The following SH3BGRL2 variants were observed in gnomAD, a reference collection of about 807,000 sequenced individuals.
The protein encoded by SH3BGRL2 is SH3 domain-binding glutamic acid-rich-like protein 2.
SH3BGRL2 carries 21 observed loss-of-function variants against 14.8 expected under a neutral mutation model. The observed-to-expected ratio is 1.42, with a 90% CI of 1.01 to 2.05. The LOEUF (loss-of-function observed/expected upper bound fraction) is 2.05, where lower values mean the gene tolerates loss of function less well. Among genes scored for constraint, SH3BGRL2 ranks in the 30% most tolerant of loss-of-function variants. The pLI, the probability that SH3BGRL2 is intolerant of heterozygous loss-of-function variation, is 0.00. For missense variants in SH3BGRL2, 147 were observed against 130.8 expected (o/e 1.12, Z -0.61); for synonymous variants, 50 against 47.8 (o/e 1.05, Z -0.19).
chr6:79,669,336 G>C (rs1001926628), intron 1 of SH3BGRL2, among the ~76,000 whole-genome samples: 1 of 152,042 alleles, frequency 6.6e-6, no homozygotes, highest in Non-Finnish European at 1.5e-5. Context: ...CCCTGTTGTT[G>C]GTTGGGAGGA....
At chr6:79,685,310 A>G (rs1317279124) in intron 2 of SH3BGRL2, among the ~76,000 whole-genome samples, 3 of 152,186 alleles carry the variant, frequency 2.0e-5, no homozygotes, top group Non-Finnish European at 4.4e-5. Flanking sequence ...CTCTTTCTGA[A>G]TCTTATGCAA....
chr6:79,637,180 A>C (rs977178415), intron 1 of SH3BGRL2, among the ~76,000 whole-genome samples: 1 of 152,234 alleles, frequency 6.6e-6, no homozygotes, highest in East Asian at 1.9e-4. Flanking sequence ...CCAAGTGAAG[A>C]TCTAACCTCA....
At chr6:79,586,619 A>G in the SH3BGRL2 span, among the ~76,000 whole-genome samples, 6 of 152,196 alleles carry the variant, frequency 3.9e-5, no homozygotes, top group African/African-American at 1.4e-4. Context: ...ATGAAGTAAC[A>G]TCATGAGAAG....
At chr6:79,630,329 G>A (rs1374886888), upstream of SH3BGRL2, among the ~76,000 whole-genome samples, 7 of 152,118 alleles carry the variant, frequency 4.6e-5, no homozygotes, top group Non-Finnish European at 1.0e-4. Flanking sequence ...AATTAACATT[G>A]TTCCCAGACC....
chr6:79,659,606 G>T (rs566508517), intron 1 of SH3BGRL2, among the ~76,000 whole-genome samples: 1 of 152,298 alleles, frequency 6.6e-6, no homozygotes, highest in African/African-American at 2.4e-5. Flanking sequence ...GCTTAGGATT[G>T]TCTTGGCTAT....
intron 1 of SH3BGRL2, among the ~76,000 whole-genome samples, chr6:79,639,351 G>A: frequency 6.6e-6 from 1 of 152,172 alleles, no homozygotes; most frequent in East Asian, 1.9e-4. Context: ...CACTTTGGGA[G>A]GCTGAGTCAG....
the SH3BGRL2 span, among the ~76,000 whole-genome samples, chr6:79,596,555 A>G: frequency 3.6e-4 from 55 of 152,194 alleles, 1 homozygote; most frequent in Non-Finnish European, 1.0e-4. Flanking sequence ...TTGGCCTCCC[A>G]AAGAGCTGGG....
At chr6:79,689,692 A>T (rs1582739123) in intron 2 of SH3BGRL2, among the ~76,000 whole-genome samples, 1 of 152,048 alleles carries the variant, frequency 6.6e-6, no homozygotes, top group Non-Finnish European at 1.5e-5. Context: ...TGAAACTTGC[A>T]CTTGAGAATT....
At chr6:79,617,028 A>G in the SH3BGRL2 span, among the ~76,000 whole-genome samples, 1 of 152,060 alleles carries the variant, frequency 6.6e-6, no homozygotes, top group Non-Finnish European at 1.5e-5. Context: ...TCTACTAAAA[A>G]TACAAAATTA....
At chr6:79,618,512 C>G in the SH3BGRL2 span, among the ~76,000 whole-genome samples, 1 of 152,098 alleles carries the variant, frequency 6.6e-6, no homozygotes, top group Admixed American at 6.6e-5. Context: ...TTGAGACCAG[C>G]CTGGCCAACA....
chr6:79,546,481 CCT>C, the SH3BGRL2 span, among the ~76,000 whole-genome samples: 1 of 152,232 alleles, frequency 6.6e-6, no homozygotes, highest in East Asian at 1.9e-4. Flanking sequence ...CTAGGAAACT[CCT>C]CTCTTCACTT....
At chr6:79,546,720 A>T in the SH3BGRL2 span, among the ~76,000 whole-genome samples, 1 of 149,362 alleles carries the variant, frequency 6.7e-6, no homozygotes, top group Non-Finnish European at 1.5e-5. Context: ...TTTTCTCGAG[A>T]TGAAGTCTTC....
chr6:79,627,440 A>G (rs1304295164), upstream of SH3BGRL2, among the ~76,000 whole-genome samples: 2 of 152,188 alleles, frequency 1.3e-5, no homozygotes, highest in Non-Finnish European at 2.9e-5. Flanking sequence ...CTTAAATAAT[A>G]TCCTAAAGGT....
At chr6:79,583,566 G>A in the SH3BGRL2 span, among the ~76,000 whole-genome samples, 1 of 152,180 alleles carries the variant, frequency 6.6e-6, no homozygotes, top group Admixed American at 6.5e-5. Flanking sequence ...TCACTCATAG[G>A]TGGGAATTGA....
rs1269889207 is a variant in SH3BGRL2 at position 79,673,704 on chromosome 6, A to G, written c.136A>G (p.Arg46Gly). 6.2e-7 allele frequency: 1 copy of G among 1,614,212 alleles called. No individual in the cohort carries two copies. The highest frequency in any genetic ancestry group is 1.7e-5 in the Admixed American group (1 of 60,028). ...GGATATCACAATGTCAGAAGAACAG[A>G]GGCAATGGATGTACAAAAACGTCCC... The part of the protein sequence containing the change: ...EVDITMSEEQ[R>G]QWMYKNVPPE... The change falls in exon 2 of 4, where the codon AGG (arginine) becomes GGG (glycine). Residue 46 changes from arginine to glycine, a missense_variant. Coordinates refer to ENST00000369838, the MANE Select transcript of SH3BGRL2 (RefSeq NM_031469.4).
chr6:79,600,377 G>T, the SH3BGRL2 span, among the ~76,000 whole-genome samples: 1 of 152,084 alleles, frequency 6.6e-6, no homozygotes, highest in African/African-American at 2.4e-5. Context: ...ACCCTATTAT[G>T]AGCTTAGCCG....
chr6:79,665,775 T>C (rs114148400), intron 1 of SH3BGRL2, among the ~76,000 whole-genome samples: 2,634 of 152,356 alleles, frequency 0.017, 77 homozygotes, highest in African/African-American at 0.061. Flanking sequence ...ATTTATAACA[T>C]GTACTAACAG....
the SH3BGRL2 span, among the ~76,000 whole-genome samples, chr6:79,578,309 C>G: frequency 3.0e-4 from 46 of 152,194 alleles, no homozygotes; most frequent in Non-Finnish European, 4.1e-4. Context: ...TGAGAATGGA[C>G]AGACTGCCTC....
the SH3BGRL2 span, among the ~76,000 whole-genome samples, chr6:79,554,916 A>G: frequency 1.4e-5 from 2 of 147,794 alleles, no homozygotes; most frequent in Non-Finnish European, 3.0e-5. Flanking sequence ...ATATTATTAT[A>G]TGCACAAATA....
Sources: allele counts gnomAD v4.1 joint callset (sites outside exome capture counted in the v4.1 genomes callset), GRCh38; gene constraint gnomAD v4.1.1; transcripts MANE v1.5; gene names NCBI Gene and HGNC (gene_info 2026-07-23, HGNC 2026-07-21).